Variants in KLHL4 observed in about 807,000 individuals in gnomAD.
KLHL4 encodes the protein kelch-like protein 4.
A neutral mutation model predicts 45.8 loss-of-function variants in KLHL4; 17 were observed. The observed-to-expected ratio is 0.37, with a 90% CI of 0.25 to 0.56. The LOEUF (loss-of-function observed/expected upper bound fraction) is 0.56, where lower values mean the gene tolerates loss of function less well. Ranked by LOEUF, KLHL4 falls within the 20% of genes least tolerant of loss-of-function variation. The pLI is 0.79. For synonymous variants in KLHL4, 224 were observed against 189.9 expected (o/e 1.18, Z -1.47); for missense variants, 544 against 544.9 (o/e 1.00, Z 0.02).
intron 1 of KLHL4, among the ~76,000 whole-genome samples, chrX:87,589,367 T>A (rs1048625667): frequency 1.8e-5 from 2 of 112,236 alleles, no homozygotes; most frequent in African/African-American, 6.5e-5. Flanking sequence ...CCTATGTTTG[T>A]CACAACAGTG....
intron 1 of KLHL4, among the ~76,000 whole-genome samples, chrX:87,533,031 A>G (rs1290947527): frequency 5.7e-5 from 6 of 105,837 alleles, no homozygotes; most frequent in African/African-American, 1.7e-4. Flanking sequence ...TTAGAATGGC[A>G]ATCATTAAAA....
At chrX:87,635,103 C>G (rs750939740) in intron 8 of KLHL4, among the ~76,000 whole-genome samples, 184 of 111,614 alleles carry the variant, frequency 1.6e-3, no homozygotes, top group Non-Finnish European at 2.2e-3. Flanking sequence ...GTTTATTAAG[C>G]TAATGTCTTC....
intron 3 of KLHL4, among the ~76,000 whole-genome samples, 181 bp from the exon 4 acceptor site, chrX:87,617,751 A>G (rs1165454614): frequency 1.8e-5 from 2 of 111,682 alleles, no homozygotes; most frequent in Non-Finnish European, 3.8e-5. Flanking sequence ...GGTTCATTTC[A>G]GCCATCTTAT....
At chrX:87,537,535 C>T (rs1333373403) in intron 1 of KLHL4, among the ~76,000 whole-genome samples, 4 of 110,612 alleles carry the variant, frequency 3.6e-5, no homozygotes, top group Non-Finnish European at 7.6e-5. Context: ...GATGTAGATA[C>T]ACACACATAT....
chrX:87,564,652 C>T (rs2147786674), intron 1 of KLHL4, among the ~76,000 whole-genome samples: 1 of 111,655 alleles, frequency 9.0e-6, no homozygotes, highest in African/African-American at 3.2e-5. Context: ...GCTAACAACA[C>T]AGCAACAAAT....
At chrX:87,613,659 A>C (rs1416061756) in intron 1 of KLHL4, among the ~76,000 whole-genome samples, 1 of 111,830 alleles carries the variant, frequency 8.9e-6, no homozygotes, top group Non-Finnish European at 1.9e-5. Context: ...TATAAATAAT[A>C]ACCAGCACAC....
chrX:87,624,427 T>C (rs1202940613), intron 5 of KLHL4, among the ~76,000 whole-genome samples: 1 of 112,480 alleles, frequency 8.9e-6, no homozygotes, highest in Non-Finnish European at 1.9e-5. Flanking sequence ...GCCTAGTTTT[T>C]AGACCTATTT....
Position 87,528,362 on chromosome X carries a change from GGAGAATGAATAAAGCCTATGGGACTTAC to G in KLHL4, c.422+10052_422+10079del, listed in dbSNP as rs1376240239. 4.6e-3 allele frequency among the ~76,000 whole-genome samples: 508 copies of G among 110,854 alleles called. 2 individuals are homozygous for G. Among genetic ancestry groups the G allele is most frequent in the African/African-American group, 0.016 (480 of 30,521 alleles). On this transcript the variant is annotated intron_variant, in intron 1 of 10. Transcript: ENST00000373119. Reference sequence around the variant, plus strand: ...CAGTCAGAGAAAAAATAATAATAAAGGAGAATGAATAAAGCCTATGGGACTTACGAGACACCATTAAATAAAGAAACTC... The same window carrying G: ...CAGTCAGAGAAAAAATAATAATAAAGGAGACACCATTAAATAAAGAAACTC...
At chrX:87,657,193 G>T (rs747991537) in intron 9 of KLHL4, among the ~76,000 whole-genome samples, 1 of 112,456 alleles carries the variant, frequency 8.9e-6, no homozygotes. Flanking sequence ...GGTGGTGGTG[G>T]TGGTAGCAGA....
intron 4 of KLHL4, 73 bp downstream of exon 4, chrX:87,618,201 A>G (rs1405019132): frequency 1.4e-5 from 11 of 810,919 alleles, no homozygotes; most frequent in Admixed American, 6.6e-5. Context: ...TAAGCAACAT[A>G]AACTTATATA....
intron 9 of KLHL4, among the ~76,000 whole-genome samples, chrX:87,647,734 G>T (rs1923683804): frequency 9.0e-6 from 1 of 111,216 alleles, no homozygotes; most frequent in Non-Finnish European, 1.9e-5. Context: ...AGAGGAAAGG[G>T]TGGGAGTAGG....
At chrX:87,531,213 G>A (rs1327659732) in intron 1 of KLHL4, among the ~76,000 whole-genome samples, 1 of 110,051 alleles carries the variant, frequency 9.1e-6, no homozygotes, top group Non-Finnish European at 1.9e-5. Flanking sequence ...CCATTTTGTA[G>A]GTTGCCTGTT....
chrX:87,561,654 G>A (rs1167713546), intron 1 of KLHL4, among the ~76,000 whole-genome samples: 1 of 111,097 alleles, frequency 9.0e-6, no homozygotes, highest in Non-Finnish European at 1.9e-5. Context: ...ATGCAACCCA[G>A]TGAGATCTGG....
At chrX:87,532,753 A>G (rs1347797091) in intron 1 of KLHL4, among the ~76,000 whole-genome samples, 4 of 108,631 alleles carry the variant, frequency 3.7e-5, no homozygotes, top group Non-Finnish European at 7.6e-5. Context: ...ATTGGTGTAT[A>G]AGAATGCTTG....
intron 6 of KLHL4, among the ~76,000 whole-genome samples, chrX:87,631,542 G>A (rs1923095499): frequency 9.0e-6 from 1 of 111,142 alleles, no homozygotes; most frequent in Admixed American, 9.6e-5. Flanking sequence ...TATTTATATA[G>A]ACAGAGTCTC....
chrX:87,596,309 G>A (rs1431356692), intron 1 of KLHL4, among the ~76,000 whole-genome samples: 1 of 112,018 alleles, frequency 8.9e-6, no homozygotes, highest in East Asian at 2.8e-4. Context: ...TCCTTTCCAT[G>A]TTCATATATA....
At chrX:87,614,295 T>C (rs2079370531) in intron 2 of KLHL4, 139 bp from the exon 3 acceptor site, 1 of 621,601 alleles carries the variant, frequency 1.6e-6, no homozygotes, top group Admixed American at 3.5e-5. Context: ...CCTTTCTAAC[T>C]TCACTACATT....
At chrX:87,591,034 T>C (rs1358355819) in intron 1 of KLHL4, among the ~76,000 whole-genome samples, 1 of 111,918 alleles carries the variant, frequency 8.9e-6, no homozygotes, top group African/African-American at 3.2e-5. Context: ...CATATGGTAA[T>C]TCTACTTTTA....
At chrX:87,622,132 C>A in intron 4 of KLHL4, 79 bp from the exon 5 acceptor site, 1 of 632,295 alleles carries the variant, frequency 1.6e-6, no homozygotes, top group Non-Finnish European at 2.5e-6. Flanking sequence ...AGTTTAAGAA[C>A]ATGAAATTCT....
Sources: gnomAD v4.1 joint callset for allele counts (sites outside exome capture counted in the v4.1 genomes callset) on GRCh38, gnomAD v4.1.1 for gene constraint, MANE v1.5 for transcripts, NCBI Gene and HGNC (gene_info 2026-07-23, HGNC 2026-07-21) for gene names.